IQCH: variants seen among roughly 807,000 people sequenced by gnomAD.
IQCH encodes IQ domain-containing protein H.
In IQCH, 98 loss-of-function variants were observed where a neutral mutation model predicts 117.0. That is an observed-to-expected ratio of 0.84 (90% CI 0.71 to 0.99). IQCH has a LOEUF of 0.99. Ranked by LOEUF, IQCH falls within the 50% of genes least tolerant of loss-of-function variation. The probability of loss-of-function intolerance (pLI) is 0.00; values close to 1 mark genes in which losing one functional copy is unlikely to be tolerated. For missense variants in IQCH, 1,102 were observed against 1,243.8 expected (o/e 0.89, Z 1.72); for synonymous variants, 412 against 448.2 (o/e 0.92, Z 1.02).
intron 3 of IQCH, among the ~76,000 whole-genome samples, chr15:67,267,059 G>A (rs997882166): frequency 6.6e-6 from 1 of 152,206 alleles, no homozygotes; most frequent in Non-Finnish European, 1.5e-5. Context: ...CACCAGTGCT[G>A]TTCCACTGTT....
At chr15:67,442,565 T>C (rs1335788320) in intron 16 of IQCH, among the ~76,000 whole-genome samples, 4 of 152,120 alleles carry the variant, frequency 2.6e-5, no homozygotes, top group Non-Finnish European at 5.9e-5. Context: ...CAGGGAACGC[T>C]TCTACACTGC....
chr15:67,370,154 C>T lies in IQCH; in HGVS notation c.754-1957C>T, dbSNP rs1346350255. The stretch of plus-strand genomic sequence containing the variant: ...ATGGAAAGGCACTGTCTGAGAGAGA[C>T]GTGAGTTCTCTCCTTTCTCAACTTC... On this transcript the variant is annotated intron_variant, in intron 8 of 20. Coordinates refer to ENST00000335894, the MANE Select transcript of IQCH (RefSeq NM_001031715.3). This position sits in a 1 kb window ranked among gnomAD's most constrained non-coding sequence, Gnocchi z 5.6. Among the ~76,000 whole-genome samples the T allele has an allele frequency of 2.0e-5, 3 of 152,160 alleles. No individual in the cohort carries two copies. Among genetic ancestry groups the T allele is most frequent in the African/African-American group, 7.2e-5 (3 of 41,428 alleles).
intron 4 of IQCH, among the ~76,000 whole-genome samples, chr15:67,294,220 T>A (rs1596119162): frequency 6.6e-6 from 1 of 152,312 alleles, no homozygotes; most frequent in East Asian, 1.9e-4. Flanking sequence ...CTTCAACCCA[T>A]TGACCTCTCA....
chr15:67,358,207 C>CTCTTTTTTTTTTTTTTTTTTT (rs768931234), intron 7 of IQCH, among the ~76,000 whole-genome samples: 1 of 10,448 alleles, frequency 9.6e-5, no homozygotes, highest in Non-Finnish European at 1.7e-4. Flanking sequence ...ACTTTCTTTT[C>CTCTTTTTTTTTTTTTTTTTTT]TTTTTTTTTT....
chr15:67,328,668 T>C (rs934477471), intron 4 of IQCH, among the ~76,000 whole-genome samples: 4 of 152,212 alleles, frequency 2.6e-5, no homozygotes, highest in African/African-American at 9.6e-5. Flanking sequence ...CAGGTCTTAC[T>C]GATAATATGT....
Position 67,500,865 on chromosome 15 carries a change from T to A in IQCH, c.*119T>A, listed in dbSNP as rs2083962673. On this transcript the variant is annotated 3_prime_UTR_variant, in exon 21 of 21. Transcript: ENST00000335894. The surrounding 1 kb of genome is among the most constrained non-coding windows in gnomAD (Gnocchi z 4.4). Reference sequence around the variant, plus strand: ...TTTGCTTTGTGTGCTAGGAGGTGAATCAGAACAGATTATAATGAAATGCTC... The same window carrying A: ...TTTGCTTTGTGTGCTAGGAGGTGAAACAGAACAGATTATAATGAAATGCTC... The A allele has an allele frequency of 1.9e-6, 1 of 523,200 alleles. No individual in the cohort carries two copies. Among genetic ancestry groups the A allele is most frequent in the Middle Eastern group, 5.1e-4 (1 of 1,962 alleles). The allele number at this position is 523,200 out of a possible 1,614,324, so 32.4% of individuals were successfully genotyped here.
At chr15:67,499,212 T>C (rs1440308185) in intron 20 of IQCH, among the ~76,000 whole-genome samples, 1 of 146,012 alleles carries the variant, frequency 6.8e-6, no homozygotes, top group Non-Finnish European at 1.5e-5. Flanking sequence ...GTGGGGAGAA[T>C]TGCTTGAGCC....
At chr15:67,339,904 A>G (rs147983727) in intron 5 of IQCH, among the ~76,000 whole-genome samples, 2 of 152,292 alleles carry the variant, frequency 1.3e-5, no homozygotes, top group Admixed American at 6.5e-5. Flanking sequence ...AGACTAGAAA[A>G]TCAAGCCCAA....
chr15:67,303,989 A>G (rs548015727), intron 4 of IQCH, among the ~76,000 whole-genome samples: 2 of 152,272 alleles, frequency 1.3e-5, no homozygotes, highest in Admixed American at 6.5e-5. Flanking sequence ...TATAGATTTC[A>G]TTGACAAAAT....
chr15:67,307,097 A>T, intron 4 of IQCH: 1 of 1,230,736 alleles, frequency 8.1e-7, no homozygotes, highest in African/African-American at 1.6e-5. Flanking sequence ...ATAACTGATT[A>T]TAACTGTTAT....
Position 67,388,916 on chromosome 15 carries a change from T to C in IQCH, c.1542T>C (p.His514=). The change falls in exon 12 of 21, where the codon CAT becomes CAC. Residue 514 remains histidine (H), a synonymous_variant. Transcript: ENST00000335894. This position sits in a 1 kb window ranked among gnomAD's most constrained non-coding sequence, Gnocchi z 5.5. ...VLYYKKILSL[H]AAVKSGNLED... The stretch of plus-strand genomic sequence containing the variant: ...ATTACAAAAAAATCCTAAGTCTACA[T>C]GCAGCCGTCAAATCTGGGAACCTTG... The C allele has an allele frequency of 1.9e-6, 3 of 1,613,942 alleles. No individual in the cohort carries two copies. The highest frequency in any genetic ancestry group is 4.5e-5 in the East Asian group (2 of 44,862).
rs2083132124 is a variant in IQCH, at chr15:67,473,866, A to G, written c.2677-1830A>G. Among the ~76,000 whole-genome samples the G allele has an allele frequency of 6.6e-6, 1 of 151,734 alleles. No homozygotes were observed. The highest frequency in any genetic ancestry group is 1.9e-4 in the East Asian group (1 of 5,190). ...CAAATGGGACGCTACAAGTGGGGTAAACAACTCAAGATGTATTAGCCTGTG... is the reference window on the plus strand; with the variant it reads ...CAAATGGGACGCTACAAGTGGGGTAGACAACTCAAGATGTATTAGCCTGTG... On this transcript the variant is annotated intron_variant, in intron 17 of 20. Coordinates refer to ENST00000335894, the MANE Select transcript of IQCH (RefSeq NM_001031715.3). This position sits in a 1 kb window ranked among gnomAD's most constrained non-coding sequence, Gnocchi z 4.9.
At chr15:67,363,955 A>T (rs578248373) in intron 8 of IQCH, among the ~76,000 whole-genome samples, 10 of 152,300 alleles carry the variant, frequency 6.6e-5, no homozygotes, top group Non-Finnish European at 1.0e-4. Flanking sequence ...CCAGTCTACT[A>T]TTGATGGTAA....
At chr15:67,347,901 A>G (rs1480382674) in intron 6 of IQCH, among the ~76,000 whole-genome samples, 1 of 148,158 alleles carries the variant, frequency 6.7e-6, no homozygotes, top group Non-Finnish European at 1.5e-5. Flanking sequence ...TTATATATAT[A>G]GAGAGAGATT....
intron 13 of IQCH, among the ~76,000 whole-genome samples, chr15:67,398,952 CCCAGGCTCTG>C (rs1361405319): frequency 1.3e-5 from 2 of 152,122 alleles, no homozygotes; most frequent in African/African-American, 4.8e-5. Context: ...GTATTTTTCT[CCCAGGCTCTG>C]CCAGGTGAGT....
Position 67,406,908 on chromosome 15 carries a change from CTAT to C in IQCH, c.2097+6611_2097+6613del, listed in dbSNP as rs1266919149. On this transcript the variant is annotated intron_variant, in intron 14 of 20. Coordinates refer to ENST00000335894, the MANE Select transcript of IQCH (RefSeq NM_001031715.3). The surrounding 1 kb of genome is among the most constrained non-coding windows in gnomAD (Gnocchi z 4.5). ...ATAATAAGACTTTAAGAAATGCTACCTATTATTATTGTTGTTATTATTACCATA... is the reference window on the plus strand; with the variant it reads ...ATAATAAGACTTTAAGAAATGCTACCTATTATTGTTGTTATTATTACCATA... The C allele has an allele frequency of 2.0e-5, 3 of 152,164 alleles. No individual in the cohort carries two copies. The highest frequency in any genetic ancestry group is 4.4e-5 in the Non-Finnish European group (3 of 68,024). 9.4% of individuals were successfully genotyped at this position (152,164 alleles called of 1,614,324 possible).
At chr15:67,367,300 C>T (rs575148950) in intron 8 of IQCH, among the ~76,000 whole-genome samples, 1 of 152,214 alleles carries the variant, frequency 6.6e-6, no homozygotes, top group Non-Finnish European at 1.5e-5. Context: ...CTTTGGGAGG[C>T]TGGGGTGGGT....
intron 8 of IQCH, chr15:67,360,097 G>A (rs1162600104): frequency 2.0e-6 from 1 of 498,980 alleles, no homozygotes; most frequent in African/African-American, 2.0e-5. Flanking sequence ...CCTCCTTTTG[G>A]GACTGAATTA....
rs375729945 is a variant in IQCH, at chr15:67,489,072, T to C, written c.2800-931T>C. 8.0e-3 allele frequency among the ~76,000 whole-genome samples: 1,221 copies of C among 152,018 alleles called. 16 individuals carry two copies. Among genetic ancestry groups the C allele is most frequent in the African/African-American group, 0.026 (1,072 of 41,466 alleles). ...TTTTTTAGACGGAGTCTCGCTCTGT[T>C]GCCCAGGCTGGAATGCAGTGGCGTG... On this transcript the variant is annotated intron_variant, in intron 18 of 20. Coordinates refer to ENST00000335894, the MANE Select transcript of IQCH (RefSeq NM_001031715.3).
Sources: allele counts gnomAD v4.1 joint callset (sites outside exome capture counted in the v4.1 genomes callset), GRCh38; gene constraint gnomAD v4.1.1; non-coding constraint Gnocchi (gnomAD v3.1); transcripts MANE v1.5; gene names NCBI Gene and HGNC (gene_info 2026-07-23, HGNC 2026-07-21).